GRIN2D: variants seen among roughly 807,000 people sequenced by gnomAD.
GRIN2D encodes glutamate receptor ionotropic, NMDA 2D.
GRIN2D carries 37 observed loss-of-function variants against 103.2 expected under a neutral mutation model. That is an observed-to-expected ratio of 0.36 (90% CI 0.28 to 0.47). The LOEUF (loss-of-function observed/expected upper bound fraction) is 0.47, where lower values mean the gene tolerates loss of function less well. Among genes scored for constraint, GRIN2D ranks in the 20% least tolerant of loss-of-function variants. GRIN2D has a pLI of 1.00. For synonymous variants in GRIN2D, 845 were observed against 885.6 expected (o/e 0.95, Z 0.81); for missense variants, 1,557 against 1,910.6 (o/e 0.81, Z 3.45).
chr19:48,398,895 G>GC, intron 3 of GRIN2D, 38 bp downstream of exon 3: 2 of 1,304,880 alleles, frequency 1.5e-6, no homozygotes, highest in Non-Finnish European at 1.9e-6. Context: ...CACAGGAGGG[G>GC]CGGGGACAGC....
intron 3 of GRIN2D, among the ~76,000 whole-genome samples, chr19:48,400,832 G>A (rs946816964): frequency 6.6e-6 from 1 of 152,104 alleles, no homozygotes; most frequent in Non-Finnish European, 1.5e-5. Flanking sequence ...TTGGGAGGCC[G>A]AGGCGGGCAG....
Position 48,443,718 on chromosome 19 carries a change from G to A in GRIN2D, c.3792G>A (p.Pro1264=). The change falls in exon 14 of 14, where the codon CCG becomes CCA. Residue 1264 remains proline, a synonymous_variant. Coordinates refer to ENST00000263269, the MANE Select transcript of GRIN2D (RefSeq NM_000836.4). The surrounding 1 kb of genome is among the most constrained non-coding windows in gnomAD (Gnocchi z 8.9). ...CCGCTGGGGGCTGGGACCTCCCGCCGCCCGCGCCCACCTCGCGCTCGCTCG... is the reference window on the plus strand; with the variant it reads ...CCGCTGGGGGCTGGGACCTCCCGCCACCCGCGCCCACCTCGCGCTCGCTCG... The part of the protein sequence containing the change: ...RRAAGGWDLP[P]PAPTSRSLED... 2 of 1,320,024 alleles carry A rather than the reference G, an allele frequency of 1.5e-6. No homozygotes were observed. Among genetic ancestry groups the A allele is most frequent in the Non-Finnish European group, 1.9e-6 (2 of 1,037,142 alleles). 81.8% of individuals were successfully genotyped at this position (1,320,024 alleles called of 1,614,324 possible). A position where few individuals can be genotyped will look rare whatever the true frequency, so the allele number is the denominator to read the frequency against.
chr19:48,410,804 G>A (rs1205619482), intron 4 of GRIN2D, among the ~76,000 whole-genome samples: 1 of 152,120 alleles, frequency 6.6e-6, no homozygotes, highest in African/African-American at 2.4e-5. Context: ...AGAAGACAGG[G>A]CAGAGAGAGC....
At chr19:48,400,830 C>A (rs1569058466) in intron 3 of GRIN2D, among the ~76,000 whole-genome samples, 1 of 152,136 alleles carries the variant, frequency 6.6e-6, no homozygotes, top group Non-Finnish European at 1.5e-5. Context: ...CTTTGGGAGG[C>A]CGAGGCGGGC....
intron 3 of GRIN2D, among the ~76,000 whole-genome samples, chr19:48,402,115 G>GAAA (rs1970717757): frequency 4.5e-5 from 4 of 88,024 alleles, no homozygotes; most frequent in Non-Finnish European, 8.6e-5. Context: ...AGAAAGAGAA[G>GAAA]GAAAGAAAGA....
intron 2 of GRIN2D, among the ~76,000 whole-genome samples, 194 bp downstream of exon 2, chr19:48,395,130 T>C (rs960330018): frequency 6.6e-6 from 1 of 151,830 alleles, no homozygotes; most frequent in Non-Finnish European, 1.5e-5. Flanking sequence ...GAGCCCCTTT[T>C]TCCTGAGTCC....
intron 4 of GRIN2D, among the ~76,000 whole-genome samples, chr19:48,412,469 GAA>G (rs1569063229): frequency 2.6e-4 from 39 of 150,064 alleles, no homozygotes; most frequent in African/African-American, 9.1e-4. Context: ...AAGAAAGAAA[GAA>G]AGAAAGAAAG....
In GRIN2D at chr19:48,404,979, C is replaced by G. The variant is rs763302470; in HGVS notation, c.711C>G (p.Arg237=). 1.9e-6 allele frequency: 3 copies of G among 1,612,402 alleles called. No individual in the cohort carries two copies. In the Admixed American group the frequency reaches 5.0e-5, roughly 27 times the overall value. The change falls in exon 4 of 14, where the codon CGC becomes CGG. Residue 237 remains arginine, a synonymous_variant. Transcript: ENST00000263269. ...AGEAVLSAQL[R]SVSAQIRLLF... ...AGGCCGTGCTCAGTGCCCAGCTCCGCAGTGTCAGCGCGCAGATCCGCCTGC... is the reference window on the plus strand; with the variant it reads ...AGGCCGTGCTCAGTGCCCAGCTCCGGAGTGTCAGCGCGCAGATCCGCCTGC...
chr19:48,404,977 C>G lies in GRIN2D; in HGVS notation c.709C>G (p.Arg237Gly). 6.2e-7 allele frequency: 1 copy of G among 1,612,378 alleles called. No individual in the cohort carries two copies. Among genetic ancestry groups the G allele is most frequent in the Non-Finnish European group, 8.5e-7 (1 of 1,179,610 alleles). ...AGEAVLSAQLRSVSAQIRLLF... is the reference protein window; with the variant it reads ...AGEAVLSAQLGSVSAQIRLLF... ...CGAGGCCGTGCTCAGTGCCCAGCTCCGCAGTGTCAGCGCGCAGATCCGCCT... is the reference window on the plus strand; with the variant it reads ...CGAGGCCGTGCTCAGTGCCCAGCTCGGCAGTGTCAGCGCGCAGATCCGCCT... Residue 237 changes from arginine (R) to glycine (G), a missense_variant, in exon 4 of 14, where the codon CGC (arginine) becomes GGC (glycine). Physicochemically the swap from Arg to Gly is moderately radical, Grantham distance 125. Around this residue, in one of 7 missense-constraint regions of GRIN2D, gnomAD observed 490 missense variants for 601.1 expected, o/e 0.82. Transcript: ENST00000263269.
At chr19:48,418,197 C>G (rs1284538963) in intron 8 of GRIN2D, among the ~76,000 whole-genome samples, 1 of 151,918 alleles carries the variant, frequency 6.6e-6, no homozygotes, top group Admixed American at 6.6e-5. Context: ...CGACACCCAG[C>G]TAATTTTGTA....
At chr19:48,398,907 G>T (rs1970676656) in intron 3 of GRIN2D, 50 bp downstream of exon 3, 4 of 1,276,684 alleles carry the variant, frequency 3.1e-6, no homozygotes, top group Non-Finnish European at 4.0e-6. Context: ...GGGGACAGCC[G>T]CTGAGGGGCG....
At chr19:48,429,715 A>ATGTGTGTGTGTGTGTG (rs35154284) in intron 11 of GRIN2D, among the ~76,000 whole-genome samples, 3 of 146,894 alleles carry the variant, frequency 2.0e-5, no homozygotes, top group African/African-American at 7.5e-5. Flanking sequence ...TAATTTTTTA[A>ATGTGTGTGTGTGTGTG]TGTGTGTGTG....
Position 48,414,829 on chromosome 19 carries a change from T to A in GRIN2D, c.1413-35T>A. 6.2e-7 allele frequency: 1 copy of A among 1,606,940 alleles called. No individual in the cohort carries two copies. The highest frequency in any genetic ancestry group is 8.5e-7 in the Non-Finnish European group (1 of 1,176,480). ...TTCATGAGAGAGTCTAAGGAGGGGG[T>A]CCCCAAACTCCCCAAGCCTGGTCAC... is the stretch of plus-strand genomic sequence containing the variant. On this transcript the variant is annotated intron_variant, in intron 6 of 13. Coordinates refer to ENST00000263269, the MANE Select transcript of GRIN2D (RefSeq NM_000836.4). The surrounding 1 kb of genome is among the most constrained non-coding windows in gnomAD (Gnocchi z 4.6).
In GRIN2D at chr19:48,425,043, T is replaced by A. The variant is rs115669727; in HGVS notation, c.2252+3098T>A. ...TCTCTTCTCTCTCTCTCTCTCTCTC[T>A]CACACAAAACAGGGTGCCTTTCCAG... On this transcript the variant is annotated intron_variant, in intron 11 of 13. Coordinates refer to ENST00000263269, the MANE Select transcript of GRIN2D (RefSeq NM_000836.4). Among the ~76,000 whole-genome samples the A allele has an allele frequency of 5.1e-3, 770 of 149,554 alleles. 12 individuals are homozygous for A. Among genetic ancestry groups the A allele is most frequent in the East Asian group, 0.044 (227 of 5,146 alleles).
At position 48,398,701 on chromosome 19, in the gene GRIN2D, C is replaced by G. The variant is rs1454799292; in HGVS notation, c.309C>G (p.Leu103=). ...GSDPRSLVLQ[L]CDLLSGLRVH... ...ACCCGCGCAGCCTCGTGCTGCAGCTCTGCGACCTGCTGTCGGGGTTGCGCG... is the reference window on the plus strand; with the variant it reads ...ACCCGCGCAGCCTCGTGCTGCAGCTGTGCGACCTGCTGTCGGGGTTGCGCG... Residue 103 remains leucine, a synonymous_variant, in exon 3 of 14, where the codon CTC becomes CTG. Coordinates refer to ENST00000263269, the MANE Select transcript of GRIN2D (RefSeq NM_000836.4). 4 of 1,465,020 alleles carry G rather than the reference C, an allele frequency of 2.7e-6. No homozygotes were observed. Among genetic ancestry groups the G allele is most frequent in the Non-Finnish European group, 3.6e-6 (4 of 1,113,910 alleles). 90.8% of individuals were successfully genotyped at this position (1,465,020 alleles called of 1,614,324 possible).
intron 11 of GRIN2D, among the ~76,000 whole-genome samples, chr19:48,427,728 G>A (rs1479990296): frequency 3.3e-5 from 5 of 151,816 alleles, no homozygotes; most frequent in Admixed American, 6.6e-5. Flanking sequence ...TGATCCGCCC[G>A]TCTCGGCCTC....
intron 4 of GRIN2D, among the ~76,000 whole-genome samples, chr19:48,411,625 G>A (rs938466563): frequency 6.6e-6 from 1 of 151,826 alleles, no homozygotes; most frequent in Non-Finnish European, 1.5e-5. Flanking sequence ...CTCCAGCCTA[G>A]GTGACAGAGC....
rs1230295043 is a variant in GRIN2D at position 48,398,816 on chromosome 19, G to T, written c.424G>T (p.Val142Leu). 1 of 1,437,336 alleles carries T rather than the reference G, an allele frequency of 7.0e-7. No homozygotes were observed. The highest frequency in any genetic ancestry group is 9.1e-7 in the Non-Finnish European group (1 of 1,098,594). 89.0% of individuals were successfully genotyped at this position (1,437,336 alleles called of 1,614,324 possible). ...FLSAQTSLPIVAVHGGAALVL... is the reference protein window; with the variant it reads ...FLSAQTSLPILAVHGGAALVL... ...GTCGGCGCAGACCTCGCTGCCCATC[G>T]TGGCCGTGCACGGCGGCGCCGCGCT... Residue 142 changes from valine to leucine, a missense_variant, in exon 3 of 14, where the codon GTG (valine) becomes TTG (leucine). Physicochemically the swap from Val to Leu is conservative, Grantham distance 32 (BLOSUM62 1). Coordinates refer to ENST00000263269, the MANE Select transcript of GRIN2D (RefSeq NM_000836.4).
chr19:48,419,574 G>A lies in GRIN2D; in HGVS notation c.1862-11G>A. 1 of 1,591,996 alleles carries A rather than the reference G, an allele frequency of 6.3e-7. No individual in the cohort carries two copies. The highest frequency in any genetic ancestry group is 8.6e-7 in the Non-Finnish European group (1 of 1,161,264). ...ATTTGGGGTCCATGTCCACGTCCTGGCCCCCTGCAGGCCCTGGCGGTTCAA... is the reference window on the plus strand; with the variant it reads ...ATTTGGGGTCCATGTCCACGTCCTGACCCCCTGCAGGCCCTGGCGGTTCAA... On this transcript the variant is annotated splice_polypyrimidine_tract_variant and intron_variant, in intron 9 of 13. Transcript: ENST00000263269.
Sources: gnomAD v4.1 joint callset for allele counts (sites outside exome capture counted in the v4.1 genomes callset) on GRCh38, gnomAD v4.1.1 for gene constraint, gnomAD v4.1.1 regional missense constraint, Gnocchi (gnomAD v3.1) non-coding constraint, MANE v1.5 for transcripts, NCBI Gene and HGNC (gene_info 2026-07-23, HGNC 2026-07-21) for gene names.